SPAG17: variants seen among roughly 807,000 people sequenced by gnomAD.
SPAG17 encodes the protein sperm associated antigen 17, also known as sperm-associated antigen 17.
A neutral mutation model predicts 273.6 loss-of-function variants in SPAG17; 169 were observed. The observed-to-expected ratio is 0.62, with a 90% CI of 0.55 to 0.70. The LOEUF (loss-of-function observed/expected upper bound fraction) is 0.70, where lower values mean the gene tolerates loss of function less well. Ranked by LOEUF, SPAG17 falls within the 30% of genes least tolerant of loss-of-function variation. The probability of loss-of-function intolerance (pLI) is 0.00; values close to 1 mark genes in which losing one functional copy is unlikely to be tolerated. For missense variants in SPAG17, 2,557 were observed against 2,627.8 expected (o/e 0.97, Z 0.59); for synonymous variants, 825 against 873.2 (o/e 0.94, Z 0.97).
chr1:117,963,893 G>C lies in SPAG17; in HGVS notation c.6578C>G (p.Pro2193Arg), dbSNP rs759226421. Residue 2193 changes from proline to arginine, a missense_variant, in exon 48 of 49, where the codon CCC (proline) becomes CGC (arginine). Coordinates refer to ENST00000336338, the MANE Select transcript of SPAG17 (RefSeq NM_206996.4). The part of the protein sequence containing the change: ...SNYDKRPKDF[P>R]QGKENPMVQR... ...GACCATTGGATTTTCTTTTCCCTGG[G>C]GAAAGTCTTTTGGTCGTTTATCATA... 6.2e-7 allele frequency: 1 copy of C among 1,613,726 alleles called. No homozygotes were observed. Among genetic ancestry groups the C allele is most frequent in the South Asian group, 1.1e-5 (1 of 91,032 alleles).
At chr1:118,152,285 T>A (rs1659429949) in intron 1 of SPAG17, among the ~76,000 whole-genome samples, 1 of 152,162 alleles carries the variant, frequency 6.6e-6, no homozygotes, top group African/African-American at 2.4e-5. Flanking sequence ...TCTAAGCAAC[T>A]CTCTAGCTCC....
rs543819451 is a variant in SPAG17 at position 118,185,019 on chromosome 1, G to C, written c.87+52C>G. Reference sequence around the variant, plus strand: ...AGGCGTCGCCTAGGAGGGTCTGGCCGGGCCTCTGGCATTGCCGGGGGCAGG... The same window carrying C: ...AGGCGTCGCCTAGGAGGGTCTGGCCCGGCCTCTGGCATTGCCGGGGGCAGG... On this transcript the variant is annotated intron_variant, in intron 1 of 48. Transcript: ENST00000336338. 4.7e-6 allele frequency: 7 copies of C among 1,498,878 alleles called. No individual in the cohort carries two copies. The East Asian group carries it at 1.1e-4, about 24-fold the overall frequency. 92.8% of individuals were successfully genotyped at this position (1,498,878 alleles called of 1,614,324 possible). A position where few individuals can be genotyped will look rare whatever the true frequency, so the allele number is the denominator to read the frequency against.
intron 1 of SPAG17, among the ~76,000 whole-genome samples, chr1:118,176,303 C>T (rs1343976561): frequency 2.0e-5 from 3 of 152,024 alleles, no homozygotes; most frequent in East Asian, 3.9e-4. Context: ...AAAAAAGACC[C>T]AACTCTATGC....
rs751550780 is a variant in SPAG17, at chr1:117,992,628, C to A, written c.5199G>T (p.Pro1733=). 2 of 1,600,754 alleles carry A rather than the reference C, an allele frequency of 1.2e-6. No individual in the cohort carries two copies. The highest frequency in any genetic ancestry group is 2.7e-5 in the African/African-American group (2 of 74,068). The part of the protein sequence containing the change: ...PSVEKKTPGP[P]FGTQIWKGLC... The stretch of plus-strand genomic sequence containing the variant: ...GGCCTTTCCAAATCTGAGTACCAAA[C>A]GGAGGTCCTGGAGTTTTTTTCTGTT... Residue 1733 remains proline (P), a synonymous_variant, in exon 36 of 49, where the codon CCG becomes CCT. Coordinates refer to ENST00000336338, the MANE Select transcript of SPAG17 (RefSeq NM_206996.4).
At chr1:118,074,290 G>A (rs1411575941) in intron 16 of SPAG17, among the ~76,000 whole-genome samples, 2 of 152,112 alleles carry the variant, frequency 1.3e-5, no homozygotes, top group Non-Finnish European at 1.5e-5. Flanking sequence ...AGGTGTTTGT[G>A]AGGTTGCCAA....
intron 20 of SPAG17, among the ~76,000 whole-genome samples, chr1:118,049,309 T>C (rs756853391): frequency 3.3e-5 from 5 of 152,220 alleles, no homozygotes; most frequent in Non-Finnish European, 7.3e-5. Context: ...TGATGTTAGA[T>C]GCAAAACTCC....
rs142304978 is a variant in SPAG17, at chr1:118,128,037, G to A, written c.316-12596C>T. Among the ~76,000 whole-genome samples, 25 of 151,906 alleles carry A rather than the reference G, an allele frequency of 1.6e-4. No homozygotes were observed. The East Asian group carries it at 4.1e-3, about 25-fold the overall frequency. ...CTTGGGAGGCTGACGCAGGAGAATCGCTTGAATCCCGGAGGCGGATGTTGC... is the reference window on the plus strand; with the variant it reads ...CTTGGGAGGCTGACGCAGGAGAATCACTTGAATCCCGGAGGCGGATGTTGC... On this transcript the variant is annotated intron_variant, in intron 3 of 48. Transcript: ENST00000336338.
At chr1:118,173,176 G>A (rs972577329) in intron 1 of SPAG17, among the ~76,000 whole-genome samples, 1 of 151,460 alleles carries the variant, frequency 6.6e-6, no homozygotes, top group African/African-American at 2.4e-5. Flanking sequence ...TAGGAGTTAT[G>A]AAATCAGTTG....
chr1:117,973,667 T>C (rs1159508017), intron 43 of SPAG17, 106 bp from the exon 44 acceptor site: 11 of 1,103,482 alleles, frequency 1.0e-5, no homozygotes, highest in Non-Finnish European at 1.4e-5. Flanking sequence ...AAACTTTTTT[T>C]CTTTGCTTTT....
chr1:118,091,036 T>A (rs1046937206), intron 10 of SPAG17, among the ~76,000 whole-genome samples: 2 of 152,032 alleles, frequency 1.3e-5, no homozygotes, highest in African/African-American at 2.4e-5. Context: ...TTAACAATCA[T>A]GATCAAGAAA....
Position 117,996,500 on chromosome 1 carries a change from C to T in SPAG17, c.4923G>A (p.Arg1641=), listed in dbSNP as rs574076468. 3.2e-5 allele frequency: 51 copies of T among 1,609,724 alleles called. No individual in the cohort carries two copies. The East Asian group carries it at 1.0e-3, about 33-fold the overall frequency. Residue 1641 remains arginine, a splice_region_variant and synonymous_variant, in exon 34 of 49, where the codon AGG becomes AGA. Transcript: ENST00000336338. ...HQQIYGEHVP[R]FFVMYADGSG... ...ATCCATCAGCATACATAACAAAAAACCTATTTGAAGAAATAAAAATATAAT... is the reference window on the plus strand; with the variant it reads ...ATCCATCAGCATACATAACAAAAAATCTATTTGAAGAAATAAAAATATAAT...
intron 18 of SPAG17, among the ~76,000 whole-genome samples, 157 bp downstream of exon 18, chr1:118,066,588 A>G (rs913985611): frequency 2.6e-5 from 4 of 152,210 alleles, no homozygotes; most frequent in African/African-American, 7.2e-5. Context: ...CTGACATTCA[A>G]TTTAGTGAGC....
At chr1:117,976,546 G>A (rs1283548299) in intron 43 of SPAG17, among the ~76,000 whole-genome samples, 1 of 152,216 alleles carries the variant, frequency 6.6e-6, no homozygotes, top group African/African-American at 2.4e-5. Flanking sequence ...CAGAGGCTGT[G>A]AGGGGTAGCA....
chr1:117,984,244 G>T (rs1656162749), intron 41 of SPAG17, among the ~76,000 whole-genome samples: 1 of 152,214 alleles, frequency 6.6e-6, no homozygotes, highest in African/African-American at 2.4e-5. Context: ...AAATAGAACA[G>T]GAGAAGAGCG....
chr1:118,076,230 C>T (rs1006478500), intron 15 of SPAG17: 2 of 152,012 alleles, frequency 1.3e-5, no homozygotes, highest in African/African-American at 4.8e-5. Flanking sequence ...ACTTTTTATT[C>T]TGTGGCAAAG....
intron 17 of SPAG17, among the ~76,000 whole-genome samples, chr1:118,069,470 G>A (rs1001739472): frequency 1.3e-5 from 2 of 152,124 alleles, no homozygotes; most frequent in Non-Finnish European, 2.9e-5. Context: ...AACAAAGGAT[G>A]ATTCTGGCTT....
Position 118,093,145 on chromosome 1 carries a change from CCCATGCCTA to C in SPAG17, c.1173+2_1173+10del. 6.2e-7 allele frequency: 1 copy of C among 1,608,566 alleles called. No homozygotes were observed. The highest frequency in any genetic ancestry group is 8.5e-7 in the Non-Finnish European group (1 of 1,177,030). On this transcript the variant is annotated splice_donor_variant and splice_donor_5th_base_variant and intron_variant, in intron 8 of 48. Transcript: ENST00000336338. LOFTEE classifies it high-confidence loss of function. ...CATTCATCCCACTAAAGACATTGAG[CCCATGCCTA>C]CCTCTGAAGTTGGCATGGCTTCTAA... is the stretch of plus-strand genomic sequence containing the variant.
Position 118,012,872 on chromosome 1 carries a change from G to A in SPAG17, c.4288-500C>T, listed in dbSNP as rs958228668. Among the ~76,000 whole-genome samples, 36 of 152,198 alleles carry A rather than the reference G, an allele frequency of 2.4e-4. 1 individual carries two copies. Among genetic ancestry groups the A allele is most frequent in the Admixed American group, 6.5e-4 (10 of 15,282 alleles). On this transcript the variant is annotated intron_variant, in intron 29 of 48. Coordinates refer to ENST00000336338, the MANE Select transcript of SPAG17 (RefSeq NM_206996.4). The stretch of plus-strand genomic sequence containing the variant: ...TGAAGATTGGTAGGGGACAGAGGCT[G>A]TAGCCTCTCTATGTCAAGTTGACCT...
intron 4 of SPAG17, 77 bp from the exon 5 acceptor site, chr1:118,102,003 T>C (rs1656101584): frequency 1.7e-6 from 2 of 1,203,296 alleles, no homozygotes; most frequent in Non-Finnish European, 1.2e-6. Context: ...GGTGAATTAA[T>C]TCTTCATCTC....
Sources: gnomAD v4.1 joint callset for allele counts (sites outside exome capture counted in the v4.1 genomes callset) on GRCh38, gnomAD v4.1.1 for gene constraint, MANE v1.5 for transcripts, NCBI Gene and HGNC (gene_info 2026-07-23, HGNC 2026-07-21) for gene names.